PTPRD: variants seen among roughly 807,000 people sequenced by gnomAD.
The protein encoded by PTPRD is protein tyrosine phosphatase receptor type D.
PTPRD carries 34 observed loss-of-function variants against 214.5 expected under a neutral mutation model. The observed-to-expected ratio is 0.16, with a 90% CI of 0.12 to 0.21. The LOEUF (loss-of-function observed/expected upper bound fraction) is 0.21, where lower values mean the gene tolerates loss of function less well. Among genes scored for constraint, PTPRD ranks in the 10% least tolerant of loss-of-function variants. The probability of loss-of-function intolerance (pLI) is 1.00; values close to 1 mark genes in which losing one functional copy is unlikely to be tolerated. For synonymous variants in PTPRD, 1,128 were observed against 845.7 expected (o/e 1.33, Z -5.79); for missense variants, 2,545 against 2,398.7 (o/e 1.06, Z -1.27).
chr9:8,591,575 G>T (rs2094109975), intron 14 of PTPRD, among the ~76,000 whole-genome samples: 1 of 152,168 alleles, frequency 6.6e-6, no homozygotes, highest in Non-Finnish European at 1.5e-5. Context: ...AGAGGAGAAA[G>T]AATGTAGGAG....
chr9:9,350,197 A>T (rs936336689), intron 9 of PTPRD, among the ~76,000 whole-genome samples: 1 of 152,088 alleles, frequency 6.6e-6, no homozygotes, highest in African/African-American at 2.4e-5. Flanking sequence ...TCTCCTGAAC[A>T]AGCAGTTAAT....
chr9:10,545,180 T>C (rs1178042603), intron 2 of PTPRD, among the ~76,000 whole-genome samples: 1 of 152,156 alleles, frequency 6.6e-6, no homozygotes, highest in Non-Finnish European at 1.5e-5. Context: ...AAGGCCTACA[T>C]ATGGCACCTG....
chr9:10,064,615 C>G (rs1305487781), intron 3 of PTPRD, among the ~76,000 whole-genome samples: 1 of 151,782 alleles, frequency 6.6e-6, no homozygotes, highest in African/African-American at 2.4e-5. Flanking sequence ...CTTATTATTT[C>G]CCAAACATCC....
chr9:10,043,756 A>C (rs2097339015), intron 3 of PTPRD, among the ~76,000 whole-genome samples: 1 of 151,884 alleles, frequency 6.6e-6, no homozygotes, highest in Non-Finnish European at 1.5e-5. Context: ...CTGGTGCTGC[A>C]GAATCATCCC....
chr9:8,566,545 C>G (rs2089292566), intron 14 of PTPRD, among the ~76,000 whole-genome samples: 1 of 152,166 alleles, frequency 6.6e-6, no homozygotes, highest in Non-Finnish European at 1.5e-5. Context: ...GCCATAACTT[C>G]ACCTCTGAGT....
chr9:9,342,403 G>T (rs2047149226), intron 9 of PTPRD, among the ~76,000 whole-genome samples: 1 of 151,980 alleles, frequency 6.6e-6, no homozygotes, highest in Non-Finnish European at 1.5e-5. Flanking sequence ...AGGGTTAAAA[G>T]GAAAAGTAGA....
At chr9:8,567,528 T>A (rs1387619049) in intron 14 of PTPRD, among the ~76,000 whole-genome samples, 1 of 152,170 alleles carries the variant, frequency 6.6e-6, no homozygotes, top group African/African-American at 2.4e-5. Flanking sequence ...CTTTGAGGAA[T>A]GGAATGGCAC....
At chr9:8,575,085 C>G (rs2092104419) in intron 14 of PTPRD, among the ~76,000 whole-genome samples, 1 of 152,062 alleles carries the variant, frequency 6.6e-6, no homozygotes. Context: ...TCCTCGTACT[C>G]TACGAATAGC....
At chr9:9,658,936 G>C (rs1453553270) in intron 7 of PTPRD, among the ~76,000 whole-genome samples, 1 of 152,082 alleles carries the variant, frequency 6.6e-6, no homozygotes, top group Non-Finnish European at 1.5e-5. Context: ...TGATTCAAGA[G>C]TTAGAAAGCA....
At chr9:10,601,466 A>C (rs2077956749) in intron 2 of PTPRD, among the ~76,000 whole-genome samples, 1 of 151,776 alleles carries the variant, frequency 6.6e-6, no homozygotes. Context: ...TTTTAGCTAA[A>C]TAACTGGACT....
chr9:8,393,687 T>C (rs947121624), intron 36 of PTPRD, among the ~76,000 whole-genome samples: 2 of 152,120 alleles, frequency 1.3e-5, no homozygotes, highest in African/African-American at 4.8e-5. Flanking sequence ...ATGCATTGTT[T>C]CATGTGCATT....
chr9:8,898,867 A>G (rs2098641868), intron 11 of PTPRD, among the ~76,000 whole-genome samples: 1 of 152,198 alleles, frequency 6.6e-6, no homozygotes. Flanking sequence ...TTTTAACAAG[A>G]CATGTTTGTT....
At chr9:8,374,109 C>CGTGTCT (rs1012762620) in intron 39 of PTPRD, among the ~76,000 whole-genome samples, 1 of 132,766 alleles carries the variant, frequency 7.5e-6, no homozygotes, top group African/African-American at 3.1e-5. Flanking sequence ...TAATTACACA[C>CGTGTCT]GTGTCTGTGT....
At chr9:10,206,414 T>C (rs1410170622) in intron 3 of PTPRD, among the ~76,000 whole-genome samples, 1 of 152,266 alleles carries the variant, frequency 6.6e-6, no homozygotes, top group Middle Eastern at 3.4e-3. Context: ...AGACATACAT[T>C]TGATAAAACC....
At chr9:10,050,749 T>C (rs908655888) in intron 3 of PTPRD, among the ~76,000 whole-genome samples, 3 of 151,956 alleles carry the variant, frequency 2.0e-5, no homozygotes, top group African/African-American at 7.2e-5. Context: ...CCCAAATGTA[T>C]ATCCTTACCT....
intron 12 of PTPRD, among the ~76,000 whole-genome samples, chr9:8,655,955 G>A (rs1378212072): frequency 6.6e-6 from 1 of 152,114 alleles, no homozygotes; most frequent in East Asian, 1.9e-4. Flanking sequence ...TAGTGCAGAA[G>A]AGAAAGTCCT....
intron 2 of PTPRD, among the ~76,000 whole-genome samples, chr9:10,501,565 C>A (rs1043373440): frequency 1.3e-5 from 2 of 151,818 alleles, no homozygotes; most frequent in African/African-American, 2.4e-5. Context: ...ATTTAACTGA[C>A]CTTAAAGTTC....
intron 7 of PTPRD, among the ~76,000 whole-genome samples, chr9:9,591,859 T>C (rs770557535): frequency 1.3e-5 from 2 of 151,996 alleles, no homozygotes; most frequent in Non-Finnish European, 2.9e-5. Context: ...AAATATACAA[T>C]ACATTGTCAA....
At position 8,500,840 on chromosome 9, in the gene PTPRD, G is replaced by C. The variant is rs780212583; in HGVS notation, c.2042C>G (p.Thr681Ser). 6.2e-7 allele frequency: 1 copy of C among 1,614,148 alleles called. No individual in the cohort carries two copies. The highest frequency in any genetic ancestry group is 1.6e-4 in the Middle Eastern group (1 of 6,062). Residue 681 changes from threonine to serine, a missense_variant, in exon 24 of 46, where the codon ACT (threonine) becomes AGT (serine). Transcript: ENST00000381196. ...GGCTGTCACAGTGATCCGGTATTCA[G>C]TCCATTTTTCCAGCTGTTCCAAAAG... ...KYLLEQLEKWTEYRITVTAHT... is the reference protein window; with the variant it reads ...KYLLEQLEKWSEYRITVTAHT...
Sources: allele counts gnomAD v4.1 joint callset (sites outside exome capture counted in the v4.1 genomes callset), GRCh38; gene constraint gnomAD v4.1.1; transcripts MANE v1.5; gene names NCBI Gene and HGNC (gene_info 2026-07-23, HGNC 2026-07-21).